Variants in ARMC2 observed in about 807,000 individuals in gnomAD.
ARMC2 encodes the protein armadillo repeat-containing protein 2.
ARMC2 carries 67 observed loss-of-function variants against 90.3 expected under a neutral mutation model. The observed-to-expected ratio is 0.74, with a 90% CI of 0.61 to 0.91. The LOEUF (loss-of-function observed/expected upper bound fraction) is 0.91, where lower values mean the gene tolerates loss of function less well. Among genes scored for constraint, ARMC2 ranks in the 40% least tolerant of loss-of-function variants. ARMC2 has a pLI of 0.00. For synonymous variants in ARMC2, 393 were observed against 393.0 expected, an observed-to-expected ratio of 1.00 and a Z score of 0.00; for missense variants, 920 against 1,030.9, an observed-to-expected ratio of 0.89 and a Z score of 1.47.
the ARMC2 span, among the ~76,000 whole-genome samples, chr6:109,049,824 C>T: frequency 4.6e-5 from 7 of 151,200 alleles, no homozygotes; most frequent in African/African-American, 1.5e-4. Flanking sequence ...ACCAAAATAC[C>T]CTCTTTAAAA....
At chr6:109,048,121 A>G in the ARMC2 span, among the ~76,000 whole-genome samples, 2 of 151,834 alleles carry the variant, frequency 1.3e-5, no homozygotes, top group Non-Finnish European at 2.9e-5. Flanking sequence ...AAAAAAATCT[A>G]ATGCAATATT....
intron 4 of ARMC2, among the ~76,000 whole-genome samples, chr6:108,870,930 C>G (rs1464889584): frequency 2.6e-5 from 4 of 152,134 alleles, no homozygotes; most frequent in Non-Finnish European, 5.9e-5. Context: ...GATGAATGCT[C>G]TGAAGAAGAT....
chr6:108,938,980 G>GT (rs966219491), intron 12 of ARMC2, among the ~76,000 whole-genome samples: 21 of 151,132 alleles, frequency 1.4e-4, no homozygotes, highest in Admixed American at 9.9e-4. Flanking sequence ...ATGTCCTAAA[G>GT]TTTTTTTTTG....
At chr6:108,890,451 G>C (rs908509554) in intron 5 of ARMC2, among the ~76,000 whole-genome samples, 1 of 152,038 alleles carries the variant, frequency 6.6e-6, no homozygotes, top group East Asian at 1.9e-4. Flanking sequence ...CAGGCTCAGC[G>C]CAGTGGCTCA....
At chr6:108,913,551 A>G (rs1773647131) in intron 10 of ARMC2, among the ~76,000 whole-genome samples, 1 of 152,208 alleles carries the variant, frequency 6.6e-6, no homozygotes, top group Admixed American at 6.5e-5. Flanking sequence ...TTTTCCCTCA[A>G]TGAAAATAGT....
At chr6:108,856,701 C>A in intron 2 of ARMC2, 1 of 153,886 alleles carries the variant, frequency 6.5e-6, no homozygotes, top group African/African-American at 2.4e-5. Flanking sequence ...GTATTAACAT[C>A]CACTGCACCT....
chr6:109,044,699 C>G, the ARMC2 span, among the ~76,000 whole-genome samples: 1 of 152,172 alleles, frequency 6.6e-6, no homozygotes, highest in Admixed American at 6.5e-5. Context: ...TGATGTCACA[C>G]AGACATCTCG....
At chr6:108,988,631 AC>A in the ARMC2 span, 1 of 1,612,578 alleles carries the variant, frequency 6.2e-7, no homozygotes, top group African/African-American at 1.3e-5. Context: ...TTTGATATAA[AC>A]TTTAAAGCTA....
rs557735690 is a variant in ARMC2 at position 108,921,069 on chromosome 6, T to G, written c.1351-7019T>G. On this transcript the variant is annotated intron_variant, in intron 10 of 17. Transcript: ENST00000392644. The stretch of plus-strand genomic sequence containing the variant: ...TATTAGTTGTGGCAGTAAGGAAATG[T>G]CACTAGCTTTAGCATATAATTGTGA... Among the ~76,000 whole-genome samples the G allele has an allele frequency of 1.4e-4, 22 of 152,350 alleles. 1 individual carries two copies. Among genetic ancestry groups the G allele is most frequent in the African/African-American group, 5.1e-4 (21 of 41,580 alleles).
chr6:108,863,195 A>G (rs936625188), intron 3 of ARMC2, among the ~76,000 whole-genome samples: 1 of 152,006 alleles, frequency 6.6e-6, no homozygotes, highest in Non-Finnish European at 1.5e-5. Context: ...CCCAGGCTGG[A>G]GTTCAATGAC....
At chr6:108,934,574 C>T (rs954101138) in intron 11 of ARMC2, among the ~76,000 whole-genome samples, 3 of 152,048 alleles carry the variant, frequency 2.0e-5, no homozygotes, top group Non-Finnish European at 2.9e-5. Flanking sequence ...AAAAGCTGAT[C>T]GGCTTCTTGA....
chr6:108,973,731 A>T lies in ARMC2; in HGVS notation c.*217A>T. 2.5e-6 allele frequency: 1 copy of T among 399,650 alleles called. No individual in the cohort carries two copies. The allele number at this position is 399,650 out of a possible 1,614,324, so 24.8% of individuals were successfully genotyped here. On this transcript the variant is annotated 3_prime_UTR_variant, in exon 18 of 18. Transcript: ENST00000392644. ...ACACATTATATTTCCTGTTGAGAGAAATGTAAGATGAAAATATGTGCATTT... is the reference window on the plus strand; with the variant it reads ...ACACATTATATTTCCTGTTGAGAGATATGTAAGATGAAAATATGTGCATTT...
intron 12 of ARMC2, among the ~76,000 whole-genome samples, chr6:108,949,572 G>A (rs572335226): frequency 4.6e-5 from 7 of 152,180 alleles, no homozygotes; most frequent in Admixed American, 6.5e-5. Context: ...ATCAGATGAA[G>A]TTCTTCTTTA....
In ARMC2 at chr6:108,928,225, A is replaced by C. The variant is rs1403302798; in HGVS notation, c.1488A>C (p.Arg496Ser). 1 of 1,539,336 alleles carries C rather than the reference A, an allele frequency of 6.5e-7. No homozygotes were observed. The highest frequency in any genetic ancestry group is 2.0e-5 in the Admixed American group (1 of 49,306). ...AGGACGTCTGTACCAATATTGCCAG[A>C]ATATTCAGGTAGGTAGACTAAGACG... ...GDKDVCTNIA[R>S]IFSKLTSYRD... Residue 496 changes from arginine to serine, a missense_variant, in exon 11 of 18, where the codon AGA (arginine) becomes AGC (serine). Transcript: ENST00000392644.
At chr6:108,883,608 T>C (rs1182512072) in intron 5 of ARMC2, among the ~76,000 whole-genome samples, 1 of 152,234 alleles carries the variant, frequency 6.6e-6, no homozygotes, top group African/African-American at 2.4e-5. Flanking sequence ...GAAAAAATAA[T>C]GATTTCAGCA....
At chr6:109,032,100 C>G in the ARMC2 span, among the ~76,000 whole-genome samples, 14 of 152,038 alleles carry the variant, frequency 9.2e-5, no homozygotes, top group Non-Finnish European at 1.5e-5. Flanking sequence ...AGAAACCCCA[C>G]CTCTACTAAA....
chr6:108,888,221 C>G (rs1350304435), intron 5 of ARMC2, among the ~76,000 whole-genome samples: 1 of 152,164 alleles, frequency 6.6e-6, no homozygotes, highest in Non-Finnish European at 1.5e-5. Flanking sequence ...GAGGAGTTTG[C>G]TGATGACATC....
intron 7 of ARMC2, among the ~76,000 whole-genome samples, chr6:108,900,159 GCTGAGT>G (rs1771982524): frequency 6.6e-6 from 1 of 152,198 alleles, no homozygotes; most frequent in Non-Finnish European, 1.5e-5. Flanking sequence ...AGGCTTGGAA[GCTGAGT>G]CTCATAAACT....
At chr6:108,889,651 G>A (rs956889491) in intron 5 of ARMC2, among the ~76,000 whole-genome samples, 1 of 151,380 alleles carries the variant, frequency 6.6e-6, no homozygotes, top group Non-Finnish European at 1.5e-5. Flanking sequence ...TATTGCCCAG[G>A]CTGGTCTTGA....
Sources: allele counts gnomAD v4.1 joint callset (sites outside exome capture counted in the v4.1 genomes callset), GRCh38; gene constraint gnomAD v4.1.1; transcripts MANE v1.5; gene names NCBI Gene and HGNC (gene_info 2026-07-23, HGNC 2026-07-21).